OSBPL3: variants seen among roughly 807,000 people sequenced by gnomAD.
OSBPL3 encodes the protein oxysterol-binding protein-related protein 3.
In OSBPL3, 65 loss-of-function variants were observed where a neutral mutation model predicts 120.1. The ratio of observed to expected loss-of-function variants is 0.54; its 90% confidence interval spans 0.44 to 0.67. The LOEUF (loss-of-function observed/expected upper bound fraction) is 0.67. Ranked by LOEUF, OSBPL3 falls within the 30% of genes least tolerant of loss-of-function variation. The probability of loss-of-function intolerance (pLI) is 0.00; values close to 1 mark genes in which losing one functional copy is unlikely to be tolerated. For missense variants in OSBPL3, 1,004 were observed against 1,082.1 expected (o/e 0.93, Z 1.01); for synonymous variants, 416 against 402.6 (o/e 1.03, Z -0.40).
rs1475598411 is a variant in OSBPL3, at chr7:24,966,360, A to G, written c.-150+13526T>C. 1.3e-5 allele frequency among the ~76,000 whole-genome samples: 2 copies of G among 152,222 alleles called. No individual in the cohort carries two copies. Among genetic ancestry groups the G allele is most frequent in the Admixed American group, 6.5e-5 (1 of 15,286 alleles). Reference sequence around the variant, plus strand: ...TCATCTAATATAAAGATCTATCTACACCTAGCTACACACACCCAGGAAAAT... The same window carrying G: ...TCATCTAATATAAAGATCTATCTACGCCTAGCTACACACACCCAGGAAAAT... On this transcript the variant is annotated intron_variant, in intron 1 of 22. Transcript: ENST00000313367. The surrounding 1 kb of genome is among the most constrained non-coding windows in gnomAD (Gnocchi z 4.8).
intron 12 of OSBPL3, among the ~76,000 whole-genome samples, chr7:24,845,952 G>C (rs78208747): frequency 2.6e-5 from 4 of 152,110 alleles, no homozygotes; most frequent in African/African-American, 7.2e-5. Flanking sequence ...AGAGTTCAAG[G>C]TCAGGCTGGG....
At chr7:24,812,304 C>CAAAAAAAAAAAAAAAAA (rs57963279) in intron 19 of OSBPL3, among the ~76,000 whole-genome samples, 3 of 97,046 alleles carry the variant, frequency 3.1e-5, no homozygotes, top group Non-Finnish European at 4.2e-5. Flanking sequence ...GACTCCATCT[C>CAAAAAAAAAAAAAAAAA]AAAAAAAAAA....
In OSBPL3 at chr7:24,873,894, T is replaced by C. The variant is rs914598921; in HGVS notation, c.97-1825A>G. ...ACCTCCTCCAGTGGAAAATACCATT[T>C]CATCCTTAGAGACTCCATAGGTACT... On this transcript the variant is annotated intron_variant, in intron 2 of 22. Coordinates refer to ENST00000313367, the MANE Select transcript of OSBPL3 (RefSeq NM_015550.4). This position sits in a 1 kb window ranked among gnomAD's most constrained non-coding sequence, Gnocchi z 4.1. Among the ~76,000 whole-genome samples the C allele has an allele frequency of 5.3e-5, 8 of 152,222 alleles. No individual in the cohort carries two copies. Among genetic ancestry groups the C allele is most frequent in the African/African-American group, 1.9e-4 (8 of 41,464 alleles).
At position 24,820,574 on chromosome 7, in the gene OSBPL3, A is replaced by C. The variant is rs1025358954; in HGVS notation, c.1885-336T>G. Among the ~76,000 whole-genome samples the C allele has an allele frequency of 6.6e-6, 1 of 152,238 alleles. No homozygotes were observed. Among genetic ancestry groups the C allele is most frequent in the African/African-American group, 2.4e-5 (1 of 41,470 alleles). ...GGAGACATGTGAGGACTGCTCATCC[A>C]TAACATATAATCTGACATTGGCTAC... On this transcript the variant is annotated intron_variant, in intron 16 of 22. Coordinates refer to ENST00000313367, the MANE Select transcript of OSBPL3 (RefSeq NM_015550.4). This position sits in a 1 kb window ranked among gnomAD's most constrained non-coding sequence, Gnocchi z 4.6.
At chr7:24,847,038 C>T (rs1235212030) in intron 12 of OSBPL3, among the ~76,000 whole-genome samples, 3 of 131,248 alleles carry the variant, frequency 2.3e-5, no homozygotes, top group African/African-American at 2.9e-5. Context: ...CCAGCCTGGG[C>T]GACAGAGCGA....
At position 24,940,728 on chromosome 7, in the gene OSBPL3, G is replaced by A. The variant is rs1394151407; in HGVS notation, c.-150+39158C>T. Among the ~76,000 whole-genome samples, 2 of 151,980 alleles carry A rather than the reference G, an allele frequency of 1.3e-5. No homozygotes were observed. Among genetic ancestry groups the A allele is most frequent in the Non-Finnish European group, 2.9e-5 (2 of 67,986 alleles). On this transcript the variant is annotated intron_variant, in intron 1 of 22. Transcript: ENST00000313367. This position sits in a 1 kb window ranked among gnomAD's most constrained non-coding sequence, Gnocchi z 4.4. Reference sequence around the variant, plus strand: ...ATAAGCACAGCAGAGGATAACAACAGGCCAGGAACTCTAAGGCAAACAGGA... The same window carrying A: ...ATAAGCACAGCAGAGGATAACAACAAGCCAGGAACTCTAAGGCAAACAGGA...
rs17150511 is a variant in OSBPL3, at chr7:24,912,343, C to T, written c.-149-19722G>A. Among the ~76,000 whole-genome samples the T allele has an allele frequency of 6.2e-3, 946 of 152,288 alleles. 8 individuals are homozygous for T. The highest frequency in any genetic ancestry group is 0.021 in the African/African-American group (875 of 41,556). On this transcript the variant is annotated intron_variant, in intron 1 of 22. Transcript: ENST00000313367. The surrounding 1 kb of genome is among the most constrained non-coding windows in gnomAD (Gnocchi z 4.5). ...GTAAGTAATGTGTTAAAACTCTAAGCTGGATTCCATCAAATTAATTTTAAA... is the reference window on the plus strand; with the variant it reads ...GTAAGTAATGTGTTAAAACTCTAAGTTGGATTCCATCAAATTAATTTTAAA...
chr7:24,926,150 T>C (rs1811017532), intron 1 of OSBPL3, among the ~76,000 whole-genome samples: 1 of 152,210 alleles, frequency 6.6e-6, no homozygotes, highest in South Asian at 2.1e-4. Flanking sequence ...TTGGGGATGA[T>C]AGTGACCTAC....
chr7:24,811,805 TATAAATGC>T (rs1276097579), intron 19 of OSBPL3, among the ~76,000 whole-genome samples: 1 of 152,242 alleles, frequency 6.6e-6, no homozygotes, highest in African/African-American at 2.4e-5. Flanking sequence ...ACCAATTAAT[TATAAATGC>T]ATGGATTTAC....
At chr7:24,976,599 G>T (rs1187494141) in intron 1 of OSBPL3, among the ~76,000 whole-genome samples, 1 of 152,084 alleles carries the variant, frequency 6.6e-6, no homozygotes, top group Non-Finnish European at 1.5e-5. Flanking sequence ...AATTTAGACA[G>T]GAAAGGAATG....
intron 1 of OSBPL3, among the ~76,000 whole-genome samples, chr7:24,950,040 TC>T (rs1814204637): frequency 6.6e-6 from 1 of 152,214 alleles, no homozygotes; most frequent in Non-Finnish European, 1.5e-5. Context: ...TCCATTGTTT[TC>T]CCCACAGAAA....
Position 24,966,153 on chromosome 7 carries a change from G to A in OSBPL3, c.-150+13733C>T, listed in dbSNP as rs548469931. On this transcript the variant is annotated intron_variant, in intron 1 of 22. Coordinates refer to ENST00000313367, the MANE Select transcript of OSBPL3 (RefSeq NM_015550.4). The surrounding 1 kb of genome is among the most constrained non-coding windows in gnomAD (Gnocchi z 4.8). ...AGCTACAGCAAGACCCACAGATCTC[G>A]CTTCCTACAACATGGGTATTTTCCC... 2.0e-5 allele frequency among the ~76,000 whole-genome samples: 3 copies of A among 152,326 alleles called. No individual in the cohort carries two copies. Among genetic ancestry groups the A allele is most frequent in the South Asian group, 2.1e-4 (1 of 4,828 alleles).
intron 22 of OSBPL3, 30 bp from the exon 23 acceptor site, chr7:24,800,309 C>T: frequency 7.7e-7 from 1 of 1,305,310 alleles, no homozygotes; most frequent in Admixed American, 1.7e-5. Flanking sequence ...TTCTTGCAGA[C>T]TCTTGAAACC....
chr7:24,907,728 T>C (rs1429755391), intron 1 of OSBPL3, among the ~76,000 whole-genome samples: 2 of 152,208 alleles, frequency 1.3e-5, no homozygotes, highest in Non-Finnish European at 2.9e-5. Context: ...CCACCCCAAA[T>C]GCGTTTGTTT....
rs183883867 is a variant in OSBPL3 at position 24,958,873 on chromosome 7, A to C, written c.-150+21013T>G. 1.8e-3 allele frequency among the ~76,000 whole-genome samples: 273 copies of C among 152,320 alleles called. 2 individuals are homozygous for C. The highest frequency in any genetic ancestry group is 6.2e-3 in the African/African-American group (256 of 41,580). On this transcript the variant is annotated intron_variant, in intron 1 of 22. Transcript: ENST00000313367. ...TGCAGACTTGTTCTTTGGCCTAGAC[A>C]TCCATATCACCACTTAAATGCTGAT...
intron 6 of OSBPL3, 53 bp from the exon 7 acceptor site, chr7:24,865,518 G>A: frequency 7.0e-6 from 11 of 1,572,466 alleles, no homozygotes; most frequent in Middle Eastern, 1.7e-4. Flanking sequence ...GCCCATTGGG[G>A]ACATGTTAAG....
At chr7:24,828,782 G>A (rs199781333) in intron 16 of OSBPL3, among the ~76,000 whole-genome samples, 1 of 146,770 alleles carries the variant, frequency 6.8e-6, no homozygotes, top group Non-Finnish European at 1.5e-5. Context: ...TTTTTAAAAA[G>A]GAAGGCTCAG....
chr7:24,863,503 G>T lies in OSBPL3; in HGVS notation c.770C>A (p.Ala257Asp). Residue 257 changes from alanine (A) to aspartate (D), a missense_variant, in exon 8 of 23, where the codon GCC becomes GAC. Ala to Asp is a moderately radical substitution (Grantham distance 126, BLOSUM62 -2). This residue lies in a region of OSBPL3 where 272 missense variants were observed against 248.8 expected (regional missense o/e 1.09). Transcript: ENST00000313367. This position sits in a 1 kb window ranked among gnomAD's most constrained non-coding sequence, Gnocchi z 5.8. ...AAGAGGAGTCCGGCTCACCTGGATG[G>T]CGTTGATAGCTGGTGCCGAGTATGT... The part of the protein sequence containing the change: ...HRTYSAPAIN[A>D]IQGGSFESPK... 1.2e-6 allele frequency: 2 copies of T among 1,612,256 alleles called. No homozygotes were observed. The highest frequency in any genetic ancestry group is 8.5e-7 in the Non-Finnish European group (1 of 1,178,302).
chr7:24,810,889 G>T (rs1793714227), intron 19 of OSBPL3, among the ~76,000 whole-genome samples: 1 of 152,190 alleles, frequency 6.6e-6, no homozygotes, highest in Admixed American at 6.5e-5. Context: ...ATATTCCATT[G>T]TGTTAATATG....
Sources: gnomAD v4.1 joint callset for allele counts (sites outside exome capture counted in the v4.1 genomes callset) on GRCh38, gnomAD v4.1.1 for gene constraint, gnomAD v4.1.1 regional missense constraint, Gnocchi (gnomAD v3.1) non-coding constraint, MANE v1.5 for transcripts, NCBI Gene and HGNC (gene_info 2026-07-23, HGNC 2026-07-21) for gene names.